The following GARIN3 variants were observed in gnomAD, a reference collection of about 807,000 sequenced individuals.
GARIN3 encodes Golgi-associated RAB2 interactor protein 3.
At chr5:157,163,133 C>G in the GARIN3 span, 3 of 1,614,186 alleles carry the variant, frequency 1.9e-6, no homozygotes, top group Non-Finnish European at 2.5e-6. Context: ...GTAATACTGC[C>G]TGCAAACGCC....
the GARIN3 span, chr5:157,162,689 C>A: frequency 6.2e-7 from 1 of 1,614,214 alleles, no homozygotes; most frequent in East Asian, 2.2e-5. Context: ...TTTTGTAAAG[C>A]TCCTGTGCTA....
At chr5:157,163,501 G>A in the GARIN3 span, 7 of 1,614,192 alleles carry the variant, frequency 4.3e-6, no homozygotes, top group East Asian at 2.2e-5. Context: ...AGCAGCCCCT[G>A]GAGTGCTCGT....
the GARIN3 span, chr5:157,162,910 C>G: frequency 6.2e-7 from 1 of 1,614,208 alleles, no homozygotes; most frequent in Admixed American, 1.7e-5. Flanking sequence ...CCTGCGGTGA[C>G]TTTCACCTGC....
At chr5:157,162,391 T>C in the GARIN3 span, 3 of 1,548,998 alleles carry the variant, frequency 1.9e-6, no homozygotes, top group Non-Finnish European at 2.6e-6. Flanking sequence ...AAAGCTGGGA[T>C]GGGCTCCTCT....
chr5:157,165,176 T>C, the GARIN3 span, among the ~76,000 whole-genome samples: 6 of 152,292 alleles, frequency 3.9e-5, no homozygotes, highest in East Asian at 1.2e-3. Flanking sequence ...CAGTATGCAA[T>C]ATAGTCACAC....
the GARIN3 span, chr5:157,163,704 G>C: frequency 6.4e-7 from 1 of 1,568,960 alleles, no homozygotes; most frequent in Non-Finnish European, 8.6e-7. Context: ...ATGACTGAAA[G>C]GGAGATCAGA....
the GARIN3 span, chr5:157,162,261 G>T: frequency 1.2e-6 from 1 of 865,244 alleles, no homozygotes; most frequent in Non-Finnish European, 1.7e-6. Flanking sequence ...CTGTAGCATA[G>T]CCACCATCAC....
At chr5:157,165,884 G>C in the GARIN3 span, 3 of 1,614,062 alleles carry the variant, frequency 1.9e-6, no homozygotes, top group East Asian at 2.2e-5. Context: ...GCTGTTCACA[G>C]ATTTTAGTTG....
At chr5:157,165,562 C>T in the GARIN3 span, 1 of 1,606,790 alleles carries the variant, frequency 6.2e-7, no homozygotes, top group Non-Finnish European at 8.5e-7. Context: ...GAGAGGCTTA[C>T]CACTAGGCTT....
chr5:157,163,022 G>A, the GARIN3 span: 1 of 1,614,216 alleles, frequency 6.2e-7, no homozygotes, highest in African/African-American at 1.3e-5. Flanking sequence ...GAAACTTTCT[G>A]GCTTCCATCT....
the GARIN3 span, chr5:157,165,722 A>T: frequency 5.0e-6 from 8 of 1,614,100 alleles, no homozygotes; most frequent in East Asian, 1.6e-4. Flanking sequence ...GCAGATAAAA[A>T]GTACGGCCAG....
the GARIN3 span, chr5:157,162,636 G>C: frequency 6.2e-7 from 1 of 1,614,110 alleles, no homozygotes. Context: ...AACCAGGAGT[G>C]GCCCTGAGGC....
At chr5:157,162,959 CCTT>C in the GARIN3 span, 6 of 1,614,048 alleles carry the variant, frequency 3.7e-6, no homozygotes, top group South Asian at 2.2e-5. Flanking sequence ...GGATGTCTGT[CCTT>C]CTTTTCTCTT....
At chr5:157,163,804 C>T in the GARIN3 span, 1 of 1,100,588 alleles carries the variant, frequency 9.1e-7, no homozygotes, top group Admixed American at 2.8e-5. Context: ...GCCTGTAATC[C>T]CAACACTTTG....
the GARIN3 span, chr5:157,165,444 T>C: frequency 1.4e-6 from 2 of 1,468,414 alleles, no homozygotes; most frequent in Non-Finnish European, 1.8e-6. Flanking sequence ...CCTGAGCCCT[T>C]GCACATGCAA....
the GARIN3 span, chr5:157,166,100 G>C: frequency 1.4e-5 from 23 of 1,614,182 alleles, no homozygotes; most frequent in South Asian, 2.5e-4. Flanking sequence ...CCCCCATGGA[G>C]GTTTTGAACG....
chr5:157,164,924 C>G, the GARIN3 span, among the ~76,000 whole-genome samples: 1 of 151,994 alleles, frequency 6.6e-6, no homozygotes, highest in African/African-American at 2.4e-5. Flanking sequence ...GAGGCTGAGG[C>G]AGGAGAATCT....
chr5:157,162,801 T>C, the GARIN3 span: 7 of 1,614,098 alleles, frequency 4.3e-6, no homozygotes, highest in African/African-American at 8.0e-5. Context: ...GCTTGCCCCT[T>C]ACGTTGCTGT....
the GARIN3 span, chr5:157,163,383 A>C: frequency 6.2e-7 from 1 of 1,614,066 alleles, no homozygotes; most frequent in Non-Finnish European, 8.5e-7. Context: ...TGCTCATAGC[A>C]CCTGTTGCAG....
Sources: allele counts gnomAD v4.1 joint callset (sites outside exome capture counted in the v4.1 genomes callset), GRCh38; gene constraint gnomAD v4.1.1; transcripts MANE v1.5; gene names NCBI Gene and HGNC (gene_info 2026-07-23, HGNC 2026-07-21).